The following MED23 variants were observed in gnomAD, a reference collection of about 807,000 sequenced individuals.
MED23 encodes mediator complex subunit 23.
A neutral mutation model predicts 163.9 loss-of-function variants in MED23; 105 were observed. The ratio of observed to expected loss-of-function variants is 0.64; its 90% CI spans 0.55 to 0.75. MED23 has a LOEUF of 0.75. Ranked by LOEUF, MED23 falls within the 30% of genes least tolerant of loss-of-function variation. The pLI is 0.00. For missense variants in MED23, 1,054 were observed against 1,649.0 expected (o/e 0.64, Z 6.25); for synonymous variants, 561 against 565.6 (o/e 0.99, Z 0.12).
chr6:131,616,587 G>C (rs1319673885), intron 9 of MED23, among the ~76,000 whole-genome samples: 1 of 152,222 alleles, frequency 6.6e-6, no homozygotes, highest in African/African-American at 2.4e-5. Context: ...GGGAGGCCAA[G>C]ATGGGAAGAT....
chr6:131,603,865 T>C (rs1775668697), intron 15 of MED23, among the ~76,000 whole-genome samples: 1 of 152,202 alleles, frequency 6.6e-6, no homozygotes, highest in African/African-American at 2.4e-5. Context: ...CAGAATCCAT[T>C]TGCATGAGGA....
rs1774628358 is a variant in MED23 at position 131,591,454 on chromosome 6, T to G, written c.3545A>C (p.Glu1182Ala). The change falls in exon 26 of 29, where the codon GAG becomes GCG. Residue 1182 changes from glutamate (E) to alanine (A), a missense_variant. By Grantham distance (107) the Glu-to-Ala change is moderately radical. This residue lies in a region of MED23 where 362 missense variants were observed against 471.6 expected (regional missense o/e 0.77). Transcript: ENST00000368068. ...GAGGCGGAATGGATAGCCAACCCAC[T>G]CTGTTTCAGACGTCAAGCTGGGGCT... is the stretch of plus-strand genomic sequence containing the variant. ...ISSPSLTSET[E>A]WVGYPFRLFD... is the part of the protein sequence containing the mutation. 1 of 1,613,932 alleles carries G rather than the reference T, an allele frequency of 6.2e-7. No homozygotes were observed. Among genetic ancestry groups the G allele is most frequent in the South Asian group, 1.1e-5 (1 of 91,070 alleles).
chr6:131,628,060 AC>A lies in MED23; in HGVS notation c.-12del, dbSNP rs1257638574. 1.2e-6 allele frequency: 2 copies of A among 1,612,700 alleles called. No homozygotes were observed. The highest frequency in any genetic ancestry group is 1.7e-6 in the Non-Finnish European group (2 of 1,179,824). On this transcript the variant is annotated 5_prime_UTR_variant, in exon 1 of 29. Coordinates refer to ENST00000368068, the MANE Select transcript of MED23 (RefSeq NM_004830.4). ...CAGTTGCGTCTCCATCTGTACTATC[AC>A]CCCCGCCTTTCCAGGGTGCCCGGCA... is the stretch of plus-strand genomic sequence containing the variant.
In MED23 at chr6:131,610,152, C is replaced by T. The variant is rs1205424905; in HGVS notation, c.971G>A (p.Gly324Glu). 1 of 1,614,000 alleles carries T rather than the reference C, an allele frequency of 6.2e-7. No homozygotes were observed. Among genetic ancestry groups the T allele is most frequent in the Admixed American group, 1.7e-5 (1 of 59,986 alleles). Residue 324 changes from glycine (G) to glutamate (E), a missense_variant, in exon 11 of 29, where the codon GGG becomes GAG. Around this residue, in one of 11 missense-constraint regions of MED23, gnomAD observed 61 missense variants for 154.2 expected, o/e 0.40. Coordinates refer to ENST00000368068, the MANE Select transcript of MED23 (RefSeq NM_004830.4). ...RSETEEKFDDGGTSQLLWQHL... is the reference protein window; with the variant it reads ...RSETEEKFDDEGTSQLLWQHL... The stretch of plus-strand genomic sequence containing the variant: ...CTGCCACAGGAGTTGGCTTGTTCCC[C>T]CATCGTCAAACTTCTCCTCGGTCTC...
intron 25 of MED23, chr6:131,591,810 TTTA>T (rs1774659419): frequency 2.5e-6 from 1 of 395,202 alleles, no homozygotes; most frequent in Admixed American, 4.1e-5. Flanking sequence ...AATCTATAGC[TTTA>T]TTACTTATTT....
chr6:131,619,852 G>A lies in MED23; in HGVS notation c.642C>T (p.Pro214=), dbSNP rs1776960532. ...CACAAATGGAGTTTATCCTTGCTGT[G>A]GGCCTGAAGGTATCCACAAAGTCTG... The part of the protein sequence containing the change: ...LVSDFVDTFR[P]TARINSICGR... Residue 214 remains proline (P), a synonymous_variant, in exon 8 of 29, where the codon CCC becomes CCT. Coordinates refer to ENST00000368068, the MANE Select transcript of MED23 (RefSeq NM_004830.4). 1 of 1,611,344 alleles carries A rather than the reference G, an allele frequency of 6.2e-7. No homozygotes were observed. Among genetic ancestry groups the A allele is most frequent in the Non-Finnish European group, 8.5e-7 (1 of 1,177,998 alleles).
chr6:131,582,938 G>GAGTT, downstream of MED23: 3 of 804,116 alleles, frequency 3.7e-6, no homozygotes, highest in East Asian at 8.0e-5. Context: ...AAACTATATT[G>GAGTT]AGTTAGGTTC....
At chr6:131,597,461 G>A (rs1339635373) in intron 20 of MED23, among the ~76,000 whole-genome samples, 5 of 78,014 alleles carry the variant, frequency 6.4e-5, no homozygotes, top group African/African-American at 2.5e-4. Context: ...GGGCGACAGA[G>A]AAAGACTCCA....
chr6:131,584,365 C>CACAA (rs1774095815), downstream of MED23: 1 of 129,170 alleles, frequency 7.7e-6, no homozygotes, highest in Non-Finnish European at 1.6e-5. Context: ...ATACATGCAA[C>CACAA]ACACACACAC....
At position 131,596,536 on chromosome 6, in the gene MED23, C is replaced by T; in HGVS notation, c.2760G>A (p.Lys920=). The stretch of plus-strand genomic sequence containing the variant: ...CTAGTACCTTGTGATAATTCATGTG[C>T]TTGGTGTGCCAGTCATTCTGTAACC... ...EHWLQNDWHT[K]HMNYHKKYPE... The change falls in exon 21 of 29, where the codon AAG becomes AAA. Residue 920 remains lysine, a synonymous_variant. Coordinates refer to ENST00000368068, the MANE Select transcript of MED23 (RefSeq NM_004830.4). 2 of 1,614,110 alleles carry T rather than the reference C, an allele frequency of 1.2e-6. No homozygotes were observed. The highest frequency in any genetic ancestry group is 1.7e-6 in the Non-Finnish European group (2 of 1,180,008).
Position 131,620,631 on chromosome 6 carries a change from G to T in MED23, c.594C>A (p.His198Gln). The change falls in exon 7 of 29, where the codon CAC becomes CAA. Residue 198 changes from histidine to glutamine, a missense_variant. Coordinates refer to ENST00000368068, the MANE Select transcript of MED23 (RefSeq NM_004830.4). ...ATTCAGGAAATATAAAATTTACCCA[G>T]TGTGGAAGTTTGCCTTCAGGATACA... ...RKLYPEGKLP[H>Q]WLLGNLVSDF... 6.2e-7 allele frequency: 1 copy of T among 1,603,648 alleles called. No individual in the cohort carries two copies. The highest frequency in any genetic ancestry group is 8.5e-7 in the Non-Finnish European group (1 of 1,171,112).
At chr6:131,579,820 T>C (rs371666783) in intron 30 of MED23, among the ~76,000 whole-genome samples, 10 of 151,912 alleles carry the variant, frequency 6.6e-5, no homozygotes, top group African/African-American at 2.4e-4. Flanking sequence ...ACATGATGAC[T>C]TTGTTTAACG....
chr6:131,594,805 A>AAAACAAAC (rs149049119), intron 22 of MED23, among the ~76,000 whole-genome samples: 31 of 73,010 alleles, frequency 4.2e-4, no homozygotes, highest in Non-Finnish European at 5.7e-4. Context: ...CACTTGTGTT[A>AAAACAAAC]AAACAAACAA....
chr6:131,625,323 A>G (rs1404615023), intron 3 of MED23, among the ~76,000 whole-genome samples: 1 of 152,228 alleles, frequency 6.6e-6, no homozygotes, highest in Non-Finnish European at 1.5e-5. Flanking sequence ...AGTGCCCTTT[A>G]TGGCATATAT....
chr6:131,594,768 T>C (rs960235688), intron 22 of MED23, among the ~76,000 whole-genome samples: 1 of 151,960 alleles, frequency 6.6e-6, no homozygotes, highest in Non-Finnish European at 1.5e-5. Flanking sequence ...TAATACATGA[T>C]AAAGTTGAAA....
At chr6:131,613,415 C>T (rs1289337746) in intron 10 of MED23, among the ~76,000 whole-genome samples, 1 of 152,094 alleles carries the variant, frequency 6.6e-6, no homozygotes, top group Non-Finnish European at 1.5e-5. Flanking sequence ...GTAATATGAA[C>T]AGCTCTTAAG....
chr6:131,574,256 C>T (rs772474140), exon 31 of MED23: 3 of 1,613,802 alleles, frequency 1.9e-6, no homozygotes, highest in Non-Finnish European at 2.5e-6. Flanking sequence ...GTTTTGCTTC[C>T]TCTTAATTTG....
chr6:131,577,056 G>A (rs62423373), intron 30 of MED23, among the ~76,000 whole-genome samples: 16,322 of 152,144 alleles, frequency 0.11, 954 homozygotes, highest in Middle Eastern at 0.19. Context: ...GGTGCAGCAG[G>A]AAGTATGCTA....
intron 11 of MED23, among the ~76,000 whole-genome samples, chr6:131,609,028 G>T (rs1019298762): frequency 6.6e-6 from 1 of 152,002 alleles, no homozygotes; most frequent in Non-Finnish European, 1.5e-5. Context: ...CCTATTCCAC[G>T]TCAGTGTACC....
Sources: gnomAD v4.1 joint callset for allele counts (sites outside exome capture counted in the v4.1 genomes callset) on GRCh38, gnomAD v4.1.1 for gene constraint, gnomAD v4.1.1 regional missense constraint, MANE v1.5 for transcripts, NCBI Gene and HGNC (gene_info 2026-07-23, HGNC 2026-07-21) for gene names.